The following FBXO25 variants were observed in gnomAD, a reference collection of about 807,000 sequenced individuals.
FBXO25 encodes the protein F-box only protein 25.
Under a neutral mutation model 51.9 loss-of-function variants are expected in FBXO25, and 45 were observed. The ratio of observed to expected loss-of-function variants is 0.87; its 90% CI spans 0.68 to 1.11. The LOEUF (loss-of-function observed/expected upper bound fraction) is 1.11. Among genes scored for constraint, FBXO25 ranks in the 50% most tolerant of loss-of-function variants. FBXO25 has a pLI of 0.00. For missense variants in FBXO25, 507 were observed against 428.5 expected, an observed-to-expected ratio of 1.18 and a Z score of -1.62; for synonymous variants, 199 against 151.0, an observed-to-expected ratio of 1.32 and a Z score of -2.33.
chr8:476,918 T>G lies in FBXO25; in HGVS notation c.*8114T>G, dbSNP rs1800662933. ...GGGTTGACTTGAGATCTTAATTTGT[T>G]TAATAGGTGTATTTACAGTTACAAA... is the stretch of plus-strand genomic sequence containing the variant. On this transcript the variant is annotated 3_prime_UTR_variant, in exon 10 of 10. Coordinates refer to ENST00000350302, the MANE Select transcript of FBXO25 (RefSeq NM_183420.2). 2.0e-5 allele frequency: 3 copies of G among 152,192 alleles called. No homozygotes were observed. The highest frequency in any genetic ancestry group is 4.4e-5 in the Non-Finnish European group (3 of 68,044). The allele number at this position is 152,192 out of a possible 1,614,324, so 9.4% of individuals were successfully genotyped here. A position where few individuals can be genotyped will look rare whatever the true frequency, so the allele number is the denominator to read the frequency against.
In FBXO25 at chr8:431,442, AAAGT is replaced by A. The variant is rs1354574917; in HGVS notation, c.238+2_238+5del. The A allele has an allele frequency of 1.4e-6, 2 of 1,435,832 alleles. No homozygotes were observed. The highest frequency in any genetic ancestry group is 1.4e-5 in the African/African-American group (1 of 69,186). The allele number at this position is 1,435,832 out of a possible 1,614,324, so 88.9% of individuals were successfully genotyped here. A position where few individuals can be genotyped will look rare whatever the true frequency, so the allele number is the denominator to read the frequency against. ...CATTTTAGAAATGACACAAATACTCAAAGTAAGATCATTCTCATTAATTTTATTT... is the reference window on the plus strand; with the variant it reads ...CATTTTAGAAATGACACAAATACTCAAAGATCATTCTCATTAATTTTATTT... On this transcript the variant is annotated splice_donor_variant and coding_sequence_variant, in exon 3 of 10. Transcript: ENST00000350302. LOFTEE classifies it high-confidence loss of function.
At chr8:457,016 G>C (rs1339031299) in intron 7 of FBXO25, among the ~76,000 whole-genome samples, 1 of 151,228 alleles carries the variant, frequency 6.6e-6, no homozygotes, top group African/African-American at 2.5e-5. Context: ...GATGGTCACT[G>C]TGCTTTGTGT....
intron 9 of FBXO25, 27 bp downstream of exon 9, chr8:463,177 T>G (rs766278885): frequency 6.2e-7 from 1 of 1,600,264 alleles, no homozygotes; most frequent in African/African-American, 1.3e-5. Context: ...ACTCTTGGAA[T>G]TTCAGGATTA....
intron 5 of FBXO25, among the ~76,000 whole-genome samples, chr8:438,801 G>A (rs1251097804): frequency 6.6e-6 from 1 of 152,184 alleles, no homozygotes; most frequent in African/African-American, 2.4e-5. Context: ...CAGGGTTGTG[G>A]CAATACCAAC....
chr8:431,069 A>C (rs550131965), intron 2 of FBXO25, among the ~76,000 whole-genome samples: 3 of 152,222 alleles, frequency 2.0e-5, no homozygotes, highest in Non-Finnish European at 4.4e-5. Context: ...CTCTGTTTTA[A>C]TAAGGCATTT....
At chr8:468,520 T>C (rs1330460512) in intron 9 of FBXO25, among the ~76,000 whole-genome samples, 195 bp from the exon 10 acceptor site, 2 of 152,098 alleles carry the variant, frequency 1.3e-5, no homozygotes, top group Non-Finnish European at 2.9e-5. Context: ...GAGCAGGAGT[T>C]CCATGGGAAA....
chr8:442,287 A>AT (rs57747775), intron 5 of FBXO25, among the ~76,000 whole-genome samples: 25,250 of 149,002 alleles, frequency 0.17, 2,124 homozygotes, highest in Non-Finnish European at 0.19. Flanking sequence ...TACTCCAATT[A>AT]TTTTTTTTTT....
At chr8:421,005 G>C (rs1797120110) in intron 2 of FBXO25, among the ~76,000 whole-genome samples, 2 of 152,200 alleles carry the variant, frequency 1.3e-5, no homozygotes, top group Admixed American at 6.5e-5. Context: ...CATAATCCAG[G>C]GGTCCCCAAC....
At chr8:460,273 A>T (rs187869370) in intron 8 of FBXO25, among the ~76,000 whole-genome samples, 38 of 152,290 alleles carry the variant, frequency 2.5e-4, no homozygotes, top group Non-Finnish European at 3.4e-4. Flanking sequence ...GCCATTCTTA[A>T]AAGAGTTGCT....
intron 2 of FBXO25, among the ~76,000 whole-genome samples, chr8:416,987 C>G (rs1008515658): frequency 2.0e-5 from 3 of 152,174 alleles, no homozygotes; most frequent in Non-Finnish European, 4.4e-5. Context: ...GGAAGGAAAC[C>G]TTAGGCAATG....
In FBXO25 at chr8:431,331, T is replaced by C. The variant is rs776602003; in HGVS notation, c.135-10T>C. 6.7e-6 allele frequency: 9 copies of C among 1,347,838 alleles called. No homozygotes were observed. The highest frequency in any genetic ancestry group is 9.2e-6 in the Non-Finnish European group (9 of 974,538). The allele number at this position is 1,347,838 out of a possible 1,614,324, so 83.5% of individuals were successfully genotyped here. On this transcript the variant is annotated splice_polypyrimidine_tract_variant and intron_variant, in intron 2 of 9. Transcript: ENST00000350302. ...AAAAAATATTTTAATAGAATGTGTC[T>C]TTATTTCAGTATCTTAAATAGTGAA... is the stretch of plus-strand genomic sequence containing the variant.
intron 6 of FBXO25, 83 bp from the exon 7 acceptor site, chr8:451,186 G>T (rs946340611): frequency 6.8e-6 from 8 of 1,169,444 alleles, no homozygotes; most frequent in Non-Finnish European, 9.6e-6. Context: ...TCTATCAGTG[G>T]ACATTTGGGT....
At chr8:441,904 G>A (rs1004036960) in intron 5 of FBXO25, among the ~76,000 whole-genome samples, 8 of 152,230 alleles carry the variant, frequency 5.3e-5, no homozygotes, top group Admixed American at 5.2e-4. Flanking sequence ...CTTTTACACT[G>A]TTGGTGGGAG....
intron 5 of FBXO25, among the ~76,000 whole-genome samples, chr8:444,151 A>G (rs1003121207): frequency 5.3e-5 from 8 of 152,230 alleles, no homozygotes; most frequent in Non-Finnish European, 1.0e-4. Context: ...CACTCAGTAA[A>G]TGCTTACAGT....
intron 8 of FBXO25, among the ~76,000 whole-genome samples, chr8:462,150 A>T (rs56210047): frequency 1.3e-5 from 2 of 152,094 alleles, no homozygotes; most frequent in African/African-American, 4.8e-5. Flanking sequence ...ACCCCTCCCC[A>T]GTGCTTCTCA....
chr8:427,542 A>G (rs1256289444), intron 2 of FBXO25, among the ~76,000 whole-genome samples: 1 of 150,846 alleles, frequency 6.6e-6, no homozygotes, highest in Non-Finnish European at 1.5e-5. Flanking sequence ...CTGGGATTCC[A>G]TAACCACAAA....
chr8:441,214 C>T (rs191202215), intron 5 of FBXO25, among the ~76,000 whole-genome samples: 3 of 152,276 alleles, frequency 2.0e-5, no homozygotes, highest in Admixed American at 1.3e-4. Flanking sequence ...TAACGCCACA[C>T]GTCTACAACC....
At chr8:411,955 A>G (rs191886580) in intron 1 of FBXO25, among the ~76,000 whole-genome samples, 69 of 152,308 alleles carry the variant, frequency 4.5e-4, no homozygotes, top group African/African-American at 1.7e-3. Flanking sequence ...TAACTGAACT[A>G]AGATGGGACT....
chr8:447,327 A>G (rs1381847662), intron 5 of FBXO25, among the ~76,000 whole-genome samples: 2 of 152,086 alleles, frequency 1.3e-5, no homozygotes, highest in Non-Finnish European at 2.9e-5. Flanking sequence ...CCCAACCCTG[A>G]GGGCATCTGC....
Sources: gnomAD v4.1 joint callset for allele counts (sites outside exome capture counted in the v4.1 genomes callset) on GRCh38, gnomAD v4.1.1 for gene constraint, MANE v1.5 for transcripts, NCBI Gene and HGNC (gene_info 2026-07-23, HGNC 2026-07-21) for gene names.